SMTNL1: variants seen among roughly 807,000 people sequenced by gnomAD.
SMTNL1 encodes smoothelin-like protein 1.
Under a neutral mutation model 46.6 loss-of-function variants are expected in SMTNL1, and 41 were observed. That is an observed-to-expected ratio of 0.88 (90% CI 0.69 to 1.14). SMTNL1 has a LOEUF of 1.14. Ranked by LOEUF, SMTNL1 falls within the 50% of genes most tolerant of loss-of-function variation. The pLI is 0.00. For synonymous variants in SMTNL1, 234 were observed against 234.2 expected, an observed-to-expected ratio of 1.00 and a Z score of 0.01; for missense variants, 591 against 626.1, an observed-to-expected ratio of 0.94 and a Z score of 0.60.
intron 4 of SMTNL1, 70 bp from the exon 5 acceptor site, chr11:57,545,811 C>T (rs1944916214): frequency 5.6e-6 from 8 of 1,433,226 alleles, no homozygotes; most frequent in Admixed American, 2.1e-5. Flanking sequence ...TCCAGCCCCA[C>T]AGCCCCCTCC....
chr11:57,545,813 G>C, intron 4 of SMTNL1, 68 bp from the exon 5 acceptor site: 68 of 841,132 alleles, frequency 8.1e-5, no homozygotes, highest in Non-Finnish European at 1.1e-4. Context: ...CAGCCCCACA[G>C]CCCCCTCCCT....
Position 57,545,896 on chromosome 11 carries a change from C to A in SMTNL1, c.933C>A (p.Ser311Arg). Residue 311 changes from serine to arginine, a missense_variant, in exon 5 of 8, where the codon AGC becomes AGA. By Grantham distance (110) the Ser-to-Arg change is moderately radical (BLOSUM62 -1). Transcript: ENST00000527972. ...TSPSASESSP[S>R]DVPQSPPESP... ...CTCCATATAGTGAGTCTTCACCCAGCGACGTGCCCCAGAGTCCCCCTGAGT... is the reference window on the plus strand; with the variant it reads ...CTCCATATAGTGAGTCTTCACCCAGAGACGTGCCCCAGAGTCCCCCTGAGT... 2 of 1,613,046 alleles carry A rather than the reference C, an allele frequency of 1.2e-6. No individual in the cohort carries two copies. The highest frequency in any genetic ancestry group is 1.7e-4 in the Middle Eastern group (1 of 6,050).
At chr11:57,547,725 C>T (rs767689473) in intron 7 of SMTNL1, among the ~76,000 whole-genome samples, 49 of 152,256 alleles carry the variant, frequency 3.2e-4, no homozygotes, top group Non-Finnish European at 6.0e-4. Flanking sequence ...GCCTCTCCCA[C>T]GTAGAGGGAC....
intron 1 of SMTNL1, among the ~76,000 whole-genome samples, chr11:57,539,739 T>A (rs1944858274): frequency 6.6e-6 from 1 of 152,196 alleles, no homozygotes; most frequent in African/African-American, 2.4e-5. Flanking sequence ...GCCTCTTGAG[T>A]GGCTGGGACC....
At chr11:57,542,499 T>G in intron 1 of SMTNL1, 142 bp from the exon 2 acceptor site, 2 of 925,748 alleles carry the variant, frequency 2.2e-6, no homozygotes, top group Non-Finnish European at 1.6e-6. Flanking sequence ...TCTCTCTCCT[T>G]CGTGATTGGG....
chr11:57,547,367 T>G (rs775195312), intron 7 of SMTNL1, among the ~76,000 whole-genome samples: 1 of 152,114 alleles, frequency 6.6e-6, no homozygotes, highest in South Asian at 2.1e-4. Flanking sequence ...ACAGGAGGCA[T>G]CAGGCAGCTG....
rs1377791671 is a variant in SMTNL1 at position 57,550,097 on chromosome 11, G to A, written c.1470G>A (p.Lys490=). 8 of 1,613,086 alleles carry A rather than the reference G, an allele frequency of 5.0e-6. No individual in the cohort carries two copies. Among genetic ancestry groups the A allele is most frequent in the African/African-American group, 1.3e-5 (1 of 74,902 alleles). The change falls in exon 8 of 8, where the codon AAG becomes AAA. Residue 490 remains lysine (K), a synonymous_variant. Coordinates refer to ENST00000527972, the MANE Select transcript of SMTNL1 (RefSeq NM_001105565.3). ...YRSLVQKGLV[K]TKKK Reference sequence around the variant, plus strand: ...GCCTTGTGCAGAAAGGACTGGTGAAGACCAAGAAGAAGTGAGGAGGTGACT... The same window carrying A: ...GCCTTGTGCAGAAAGGACTGGTGAAAACCAAGAAGAAGTGAGGAGGTGACT...
chr11:57,540,956 G>A (rs113144560), intron 1 of SMTNL1, among the ~76,000 whole-genome samples: 2,293 of 152,152 alleles, frequency 0.015, 70 homozygotes, highest in African/African-American at 0.051. Flanking sequence ...TGATCTGCCC[G>A]CTACGGGCTC....
rs1359820345 is a variant in SMTNL1 at position 57,546,653 on chromosome 11, G to A, written c.1340+1G>A. 7 of 1,612,668 alleles carry A rather than the reference G, an allele frequency of 4.3e-6. No homozygotes were observed. The East Asian group carries it at 1.6e-4, about 36-fold the overall frequency. On this transcript the variant is annotated splice_donor_variant, in intron 7 of 7. Transcript: ENST00000527972. LOFTEE classifies it high-confidence loss of function. ...TCACCCTGGCCTTCTCCACAGCAGA[G>A]TAAGCCACAGCCATGGGCTGGCAGA...
At position 57,542,728 on chromosome 11, in the gene SMTNL1, C is replaced by G. The variant is rs770063278; in HGVS notation, c.86C>G (p.Ala29Gly). 2.5e-6 allele frequency: 4 copies of G among 1,613,748 alleles called. No individual in the cohort carries two copies. Among genetic ancestry groups the G allele is most frequent in the Non-Finnish European group, 3.4e-6 (4 of 1,179,848 alleles). ...AACCCTGAGATGTCAGGAGGTGGAG[C>G]CCCTGCAGAGGAGACCAAAGGCACA... ...ADNPEMSGGG[A>G]PAEETKGTAG... The change falls in exon 2 of 8, where the codon GCC (alanine) becomes GGC (glycine). Residue 29 changes from alanine (A) to glycine (G), a missense_variant. Coordinates refer to ENST00000527972, the MANE Select transcript of SMTNL1 (RefSeq NM_001105565.3).
At chr11:57,545,806 C>A in intron 4 of SMTNL1, 75 bp from the exon 5 acceptor site, 3 of 1,400,080 alleles carry the variant, frequency 2.1e-6, no homozygotes, top group Non-Finnish European at 2.9e-6. Context: ...CACCCTCCAG[C>A]CCCACAGCCC....
At chr11:57,549,622 G>A (rs966459386) in intron 7 of SMTNL1, among the ~76,000 whole-genome samples, 7 of 152,084 alleles carry the variant, frequency 4.6e-5, no homozygotes, top group Non-Finnish European at 7.4e-5. Flanking sequence ...GGATCCTCCC[G>A]CCTTGGCCTC....
chr11:57,546,674 G>A, intron 7 of SMTNL1, 22 bp downstream of exon 7: 1 of 1,608,966 alleles, frequency 6.2e-7, no homozygotes, highest in Non-Finnish European at 8.5e-7. Context: ...CCATGGGCTG[G>A]CAGAGCTGGA....
Position 57,543,240 on chromosome 11 carries a change from G to A in SMTNL1, c.598G>A (p.Ala200Thr), listed in dbSNP as rs1208741069. 5 of 1,613,906 alleles carry A rather than the reference G, an allele frequency of 3.1e-6. No homozygotes were observed. Among genetic ancestry groups the A allele is most frequent in the Non-Finnish European group, 4.2e-6 (5 of 1,179,884 alleles). The change falls in exon 2 of 8, where the codon GCT becomes ACT. Residue 200 changes from alanine (A) to threonine (T), a missense_variant. Coordinates refer to ENST00000527972, the MANE Select transcript of SMTNL1 (RefSeq NM_001105565.3). ...KEKATDEEAK[A>T]ESQKAVVEDE... is the part of the protein sequence containing the mutation. The stretch of plus-strand genomic sequence containing the variant: ...GAAGGCTACTGATGAAGAGGCCAAG[G>A]CTGAATCGCAGAAGGCTGTTGTGGA...
At chr11:57,547,559 G>C (rs1465698731) in intron 7 of SMTNL1, among the ~76,000 whole-genome samples, 1 of 152,226 alleles carries the variant, frequency 6.6e-6, no homozygotes, top group African/African-American at 2.4e-5. Context: ...AGGAAAGAGT[G>C]TCTGCCACAG....
chr11:57,549,084 G>T (rs966142213), intron 7 of SMTNL1, among the ~76,000 whole-genome samples: 9 of 150,312 alleles, frequency 6.0e-5, no homozygotes, highest in Non-Finnish European at 1.0e-4. Context: ...GGAGTGCAGT[G>T]GTATGATCTC....
chr11:57,547,283 G>T (rs936948834), intron 7 of SMTNL1, among the ~76,000 whole-genome samples: 1 of 152,232 alleles, frequency 6.6e-6, no homozygotes, highest in African/African-American at 2.4e-5. Flanking sequence ...TCCTGCAGCT[G>T]CCTGGACTCT....
At chr11:57,547,728 A>G (rs147450275) in intron 7 of SMTNL1, among the ~76,000 whole-genome samples, 44 of 152,340 alleles carry the variant, frequency 2.9e-4, no homozygotes, top group African/African-American at 9.6e-4. Context: ...TCTCCCACGT[A>G]GAGGGACAGC....
chr11:57,539,521 A>G (rs1944857068), intron 1 of SMTNL1, among the ~76,000 whole-genome samples: 1 of 152,266 alleles, frequency 6.6e-6, no homozygotes, highest in South Asian at 2.1e-4. Context: ...GCCCTGGCAC[A>G]GGGCTGGGCA....
Sources: gnomAD v4.1 joint callset for allele counts (sites outside exome capture counted in the v4.1 genomes callset) on GRCh38, gnomAD v4.1.1 for gene constraint, MANE v1.5 for transcripts, NCBI Gene and HGNC (gene_info 2026-07-23, HGNC 2026-07-21) for gene names.